The following PCCA variants were observed in gnomAD, a reference collection of about 807,000 sequenced individuals.
PCCA encodes propionyl-CoA carboxylase alpha chain, mitochondrial.
A neutral mutation model predicts 101.3 loss-of-function variants in PCCA; 74 were observed. The ratio of observed to expected loss-of-function variants is 0.73; its 90% CI spans 0.61 to 0.89. PCCA has a LOEUF of 0.89. PCCA is among the 40% of genes least tolerant of loss of function. The pLI is 0.00. For missense variants in PCCA, 891 were observed against 907.0 expected, an observed-to-expected ratio of 0.98 and a Z score of 0.23; for synonymous variants, 294 against 313.6, an observed-to-expected ratio of 0.94 and a Z score of 0.66.
chr13:100,155,839 A>T (rs906928322), intron 5 of PCCA, among the ~76,000 whole-genome samples: 2 of 152,230 alleles, frequency 1.3e-5, no homozygotes, highest in Non-Finnish European at 2.9e-5. Context: ...TTTTAGTAAG[A>T]TGAATGTTTA....
chr13:100,124,278 C>T (rs973199998), intron 4 of PCCA, among the ~76,000 whole-genome samples: 8 of 152,138 alleles, frequency 5.3e-5, no homozygotes, highest in African/African-American at 1.9e-4. Context: ...TCTCTATCTA[C>T]GTTCCTAAAT....
chr13:100,325,223 G>A (rs2068530030), intron 16 of PCCA, among the ~76,000 whole-genome samples: 1 of 152,058 alleles, frequency 6.6e-6, no homozygotes, highest in African/African-American at 2.4e-5. Context: ...CTTTTATGTG[G>A]GTACAGGATT....
At chr13:100,139,034 G>T (rs143561990) in intron 4 of PCCA, among the ~76,000 whole-genome samples, 1 of 151,670 alleles carries the variant, frequency 6.6e-6, no homozygotes, top group Non-Finnish European at 1.5e-5. Flanking sequence ...TGAGTTGACA[G>T]TTCTTTCTTT....
At chr13:100,113,605 G>C (rs1366774292) in intron 4 of PCCA, among the ~76,000 whole-genome samples, 2 of 138,898 alleles carry the variant, frequency 1.4e-5, no homozygotes, top group African/African-American at 5.5e-5. Flanking sequence ...TTGAGACAGA[G>C]TCTTGCTCTG....
intron 6 of PCCA, among the ~76,000 whole-genome samples, chr13:100,180,046 A>G (rs1281234157): frequency 6.6e-6 from 1 of 152,148 alleles, no homozygotes; most frequent in Admixed American, 6.6e-5. Context: ...CAGATCAGTT[A>G]GGGTCATTCT....
chr13:100,095,665 G>C (rs564163401), intron 1 of PCCA, among the ~76,000 whole-genome samples: 1 of 152,304 alleles, frequency 6.6e-6, no homozygotes, highest in African/African-American at 2.4e-5. Flanking sequence ...CAGGGCAAAA[G>C]CTCTGAGGGG....
At chr13:100,374,624 G>C (rs2075784576) in intron 19 of PCCA, among the ~76,000 whole-genome samples, 1 of 152,126 alleles carries the variant, frequency 6.6e-6, no homozygotes, top group African/African-American at 2.4e-5. Context: ...GAAAGAAAGA[G>C]TTGAAAGAAG....
intron 1 of PCCA, among the ~76,000 whole-genome samples, chr13:100,095,870 A>G: frequency 6.6e-6 from 1 of 152,086 alleles, no homozygotes; most frequent in African/African-American, 2.4e-5. Context: ...TTTGGAAAAG[A>G]CGTTTGTGAC....
At chr13:100,269,607 C>T (rs375491922) in intron 11 of PCCA, among the ~76,000 whole-genome samples, 135 of 152,228 alleles carry the variant, frequency 8.9e-4, no homozygotes, top group Middle Eastern at 6.8e-3. Context: ...TTTGTATATA[C>T]TCTGGTATTC....
At chr13:100,347,540 T>C (rs957460144) in intron 18 of PCCA, among the ~76,000 whole-genome samples, 27 of 152,212 alleles carry the variant, frequency 1.8e-4, no homozygotes, top group African/African-American at 6.0e-4. Flanking sequence ...GTGTTTTAGA[T>C]AGTTTAAACA....
intron 21 of PCCA, among the ~76,000 whole-genome samples, chr13:100,507,330 T>C (rs2086157264): frequency 6.6e-6 from 1 of 152,206 alleles, no homozygotes. Flanking sequence ...AGGCAGAGGC[T>C]GGGCCCCCTT....
rs1421221009 is a variant in PCCA at position 100,469,541 on chromosome 13, GGCCGA to G, written c.1899+20238_1899+20242del. On this transcript the variant is annotated intron_variant, in intron 21 of 23. Transcript: ENST00000376285. The stretch of plus-strand genomic sequence containing the variant: ...TGCTTCTAATATCAGCACTTTGGGA[GGCCGA>G]GGCGGGCGGATCACAAGGTGAAGAG... Among the ~76,000 whole-genome samples, 3 of 152,098 alleles carry G rather than the reference GGCCGA, an allele frequency of 2.0e-5. No homozygotes were observed. In the East Asian group the frequency reaches 5.8e-4, roughly 29 times the overall value.
intron 6 of PCCA, among the ~76,000 whole-genome samples, chr13:100,191,348 C>A (rs2057729655): frequency 6.6e-6 from 1 of 152,120 alleles, no homozygotes; most frequent in African/African-American, 2.4e-5. Context: ...AATTCTCCAC[C>A]CAGGGAGGAA....
At chr13:100,089,716 C>T (rs1235618449) in intron 1 of PCCA, among the ~76,000 whole-genome samples, 1 of 152,222 alleles carries the variant, frequency 6.6e-6, no homozygotes, top group Non-Finnish European at 1.5e-5. Flanking sequence ...TATACCATGT[C>T]AGGACTGCCA....
At chr13:100,439,467 A>G (rs762624186) in intron 20 of PCCA, among the ~76,000 whole-genome samples, 9 of 152,172 alleles carry the variant, frequency 5.9e-5, no homozygotes, top group Non-Finnish European at 1.3e-4. Flanking sequence ...TTCCTCACAA[A>G]CCCCAGAACC....
intron 19 of PCCA, among the ~76,000 whole-genome samples, chr13:100,403,315 T>C (rs2077478050): frequency 6.6e-6 from 1 of 152,204 alleles, no homozygotes; most frequent in Non-Finnish European, 1.5e-5. Context: ...TTGGCATGTG[T>C]GTTAGGCCGT....
intron 12 of PCCA, among the ~76,000 whole-genome samples, chr13:100,291,832 C>T (rs1363136423): frequency 6.6e-6 from 1 of 152,232 alleles, no homozygotes. Flanking sequence ...GACTTTTCCC[C>T]TGAGGTCCAT....
At position 100,467,056 on chromosome 13, in the gene PCCA, A is replaced by T. The variant is rs149259474; in HGVS notation, c.1899+17751A>T. Among the ~76,000 whole-genome samples, 861 of 152,216 alleles carry T rather than the reference A, an allele frequency of 5.7e-3. 7 individuals are homozygous for T. Among genetic ancestry groups the T allele is most frequent in the African/African-American group, 0.019 (804 of 41,516 alleles). ...CATTCTCATTGAAGTCTCCCCTTTG[A>T]GATCACCAGTAGAATCCCCATGTTT... is the stretch of plus-strand genomic sequence containing the variant. On this transcript the variant is annotated intron_variant, in intron 21 of 23. Transcript: ENST00000376285.
At chr13:100,233,148 A>C (rs147485630) in intron 7 of PCCA, among the ~76,000 whole-genome samples, 1 of 152,304 alleles carries the variant, frequency 6.6e-6, no homozygotes, top group Non-Finnish European at 1.5e-5. Flanking sequence ...CCAGGAGTAA[A>C]ATTTCAGAAC....
Sources: gnomAD v4.1 joint callset for allele counts (sites outside exome capture counted in the v4.1 genomes callset) on GRCh38, gnomAD v4.1.1 for gene constraint, MANE v1.5 for transcripts, NCBI Gene and HGNC (gene_info 2026-07-23, HGNC 2026-07-21) for gene names.